Variants in TRPC6 observed in about 807,000 individuals in gnomAD.
TRPC6 encodes the protein transient receptor potential cation channel subfamily C member 6, also known as short transient receptor potential channel 6.
In TRPC6, 55 loss-of-function variants were observed where a neutral mutation model predicts 90.7. The observed-to-expected ratio is 0.61, with a 90% CI of 0.49 to 0.76. The LOEUF (loss-of-function observed/expected upper bound fraction) is 0.76. Ranked by LOEUF, TRPC6 falls within the 30% of genes least tolerant of loss-of-function variation. The probability of loss-of-function intolerance (pLI) is 0.00; values close to 1 mark genes in which losing one functional copy is unlikely to be tolerated. For missense variants in TRPC6, 989 were observed against 1,122.7 expected, an observed-to-expected ratio of 0.88 and a Z score of 1.70; for synonymous variants, 393 against 393.0, an observed-to-expected ratio of 1.00 and a Z score of 0.00.
intron 9 of TRPC6, among the ~76,000 whole-genome samples, chr11:101,470,422 CAT>C (rs1417917940): frequency 2.0e-5 from 3 of 152,092 alleles, no homozygotes; most frequent in African/African-American, 7.2e-5. Flanking sequence ...ACACTTTATC[CAT>C]ATGTGTTCCA....
chr11:101,516,682 A>G (rs1280692365), intron 1 of TRPC6, among the ~76,000 whole-genome samples: 2 of 152,244 alleles, frequency 1.3e-5, no homozygotes, highest in Non-Finnish European at 2.9e-5. Context: ...GTGGTTCATT[A>G]TCTGGCTCCA....
At chr11:101,488,883 C>G in intron 4 of TRPC6, 54 bp downstream of exon 4, 1 of 1,603,490 alleles carries the variant, frequency 6.2e-7, no homozygotes, top group Non-Finnish European at 8.5e-7. Context: ...AGATTTTTCC[C>G]CACTTAAAAC....
intron 1 of TRPC6, among the ~76,000 whole-genome samples, chr11:101,546,050 C>CCTTTTTT (rs1861295770): frequency 1.0e-4 from 3 of 29,694 alleles, no homozygotes; most frequent in African/African-American, 3.9e-4. Context: ...ATTTATAACT[C>CCTTTTTT]TTTTTTTTTT....
chr11:101,553,264 A>C (rs923207655), intron 1 of TRPC6, among the ~76,000 whole-genome samples: 13 of 152,128 alleles, frequency 8.5e-5, no homozygotes, highest in Non-Finnish European at 1.9e-4. Context: ...TGCTGTTCTA[A>C]GCTAACTCTT....
intron 1 of TRPC6, among the ~76,000 whole-genome samples, chr11:101,514,322 C>A (rs1275874250): frequency 6.6e-6 from 1 of 152,114 alleles, no homozygotes. Context: ...ATGAATGTTA[C>A]CAAAAAGGAA....
At chr11:101,540,015 T>A (rs1861134425) in intron 1 of TRPC6, among the ~76,000 whole-genome samples, 1 of 152,248 alleles carries the variant, frequency 6.6e-6, no homozygotes, top group Non-Finnish European at 1.5e-5. Context: ...AATCATTTTT[T>A]AAACCTCTAC....
chr11:101,488,080 C>T (rs1859718005), intron 4 of TRPC6, among the ~76,000 whole-genome samples: 1 of 152,142 alleles, frequency 6.6e-6, no homozygotes, highest in Non-Finnish European at 1.5e-5. Context: ...TTCTACATAG[C>T]ACATTAATAG....
At chr11:101,558,119 TG>T (rs999269099) in intron 1 of TRPC6, among the ~76,000 whole-genome samples, 2 of 151,630 alleles carry the variant, frequency 1.3e-5, no homozygotes, top group African/African-American at 4.8e-5. Flanking sequence ...TCATACTACC[TG>T]ACCTCAAAAT....
intron 1 of TRPC6, among the ~76,000 whole-genome samples, chr11:101,536,470 G>T (rs1410750610): frequency 6.7e-6 from 1 of 149,486 alleles, no homozygotes; most frequent in Non-Finnish European, 1.5e-5. Flanking sequence ...AAGAACTGCA[G>T]AATGTGATAC....
intron 10 of TRPC6, among the ~76,000 whole-genome samples, chr11:101,458,111 A>G (rs567266140): frequency 6.6e-5 from 10 of 152,276 alleles, no homozygotes; most frequent in Non-Finnish European, 7.4e-5. Flanking sequence ...AACCTATTTT[A>G]TATTAAAGTT....
At chr11:101,495,546 C>CA (rs1279234000) in intron 2 of TRPC6, among the ~76,000 whole-genome samples, 2 of 150,648 alleles carry the variant, frequency 1.3e-5, no homozygotes, top group African/African-American at 4.9e-5. Context: ...TCATACAAGA[C>CA]AATGAATGCC....
chr11:101,476,688 A>G lies in TRPC6; in HGVS notation c.1511-154T>C, dbSNP rs186844327. On this transcript the variant is annotated intron_variant, in intron 5 of 12. Coordinates refer to ENST00000344327, the MANE Select transcript of TRPC6 (RefSeq NM_004621.6). ...GTCCCACCATAATTCCCATATCCTC[A>G]CAAATATCCTAGTCCAGAAATATCA... Among the ~76,000 whole-genome samples the G allele has an allele frequency of 1.7e-3, 255 of 152,322 alleles. 1 individual carries two copies. Among genetic ancestry groups the G allele is most frequent in the African/African-American group, 5.6e-3 (231 of 41,568 alleles).
intron 1 of TRPC6, among the ~76,000 whole-genome samples, chr11:101,576,041 G>C (rs11224878): frequency 0.24 from 36,283 of 152,062 alleles, 4,629 homozygotes; most frequent in East Asian, 0.4. Flanking sequence ...CCAGCCCCAT[G>C]GTCCACGTGT....
intron 10 of TRPC6, among the ~76,000 whole-genome samples, chr11:101,469,063 T>G (rs776179771): frequency 1.2e-4 from 19 of 152,280 alleles, no homozygotes; most frequent in Non-Finnish European, 2.8e-4. Flanking sequence ...ATTGACAAAT[T>G]AGGAGGCACT....
rs1565218652 is a variant in TRPC6 at position 101,499,721 on chromosome 11, T to TAAAA, written c.945+4302_945+4303insTTTT. Among the ~76,000 whole-genome samples the TAAAA allele has an allele frequency of 2.4e-4, 8 of 33,638 alleles. 2 individuals are homozygous for TAAAA. Among genetic ancestry groups the TAAAA allele is most frequent in the Admixed American group, 5.3e-4 (2 of 3,766 alleles). 22.1% of individuals were successfully genotyped at this position (33,638 alleles called of 152,430 possible). Reference sequence around the variant, plus strand: ...TGTATATATATATACACATTTTATATTGTGTATATGTGTATATATATATAC... The same window carrying TAAAA: ...TGTATATATATATACACATTTTATATAAAATGTGTATATGTGTATATATATATAC... On this transcript the variant is annotated intron_variant, in intron 2 of 12. Coordinates refer to ENST00000344327, the MANE Select transcript of TRPC6 (RefSeq NM_004621.6).
intron 6 of TRPC6, 146 bp downstream of exon 6, chr11:101,476,155 A>G (rs1348306103): frequency 2.0e-5 from 14 of 685,740 alleles, no homozygotes; most frequent in Non-Finnish European, 3.2e-5. Flanking sequence ...ATGCTTCCTC[A>G]CATATAGATG....
intron 1 of TRPC6, among the ~76,000 whole-genome samples, chr11:101,526,381 T>C (rs560586961): frequency 7.2e-5 from 11 of 152,328 alleles, no homozygotes; most frequent in East Asian, 1.9e-4. Context: ...ATAAGATACA[T>C]GCTTTGAACT....
chr11:101,485,046 A>G lies in TRPC6; in HGVS notation c.1294-1881T>C, dbSNP rs186942028. Among the ~76,000 whole-genome samples the G allele has an allele frequency of 3.2e-4, 48 of 151,960 alleles. 2 individuals are homozygous for G. In the East Asian group the frequency reaches 7.7e-3, roughly 24 times the overall value. ...AAGTCTGTACCTGTTCAACACAGAC[A>G]CAATTTTTTTCAAATGTTTTCAATC... is the stretch of plus-strand genomic sequence containing the variant. On this transcript the variant is annotated intron_variant, in intron 4 of 12. Transcript: ENST00000344327.
chr11:101,582,889 C>T (rs1361811207), intron 1 of TRPC6, among the ~76,000 whole-genome samples: 15 of 152,062 alleles, frequency 9.9e-5, no homozygotes, highest in Non-Finnish European at 2.9e-5. Context: ...CCAGGCAGCT[C>T]CAACCCTTGG....
Sources: allele counts gnomAD v4.1 joint callset (sites outside exome capture counted in the v4.1 genomes callset), GRCh38; gene constraint gnomAD v4.1.1; transcripts MANE v1.5; gene names NCBI Gene and HGNC (gene_info 2026-07-23, HGNC 2026-07-21).